Variants in TRIM5 observed in about 807,000 individuals in gnomAD.
The protein encoded by TRIM5 is tripartite motif containing 5.
In TRIM5, 31 loss-of-function variants were observed where a neutral mutation model predicts 35.6. That is an observed-to-expected ratio of 0.87 (90% CI 0.65 to 1.18). TRIM5 has a LOEUF of 1.18. TRIM5 is among the 50% of genes most tolerant of loss of function. TRIM5 has a pLI of 0.00. For missense variants in TRIM5, 609 were observed against 591.6 expected, an observed-to-expected ratio of 1.03 and a Z score of -0.31; for synonymous variants, 243 against 215.6, an observed-to-expected ratio of 1.13 and a Z score of -1.11.
At chr11:5,626,575 G>C in the TRIM5 span, 1 of 152,182 alleles carries the variant, frequency 6.6e-6, no homozygotes, top group Non-Finnish European at 1.5e-5. Context: ...AGTGTGCCTG[G>C]AGAGGCATAA....
At chr11:5,646,332 G>T in the TRIM5 span, among the ~76,000 whole-genome samples, 31 of 152,270 alleles carry the variant, frequency 2.0e-4, no homozygotes, top group Non-Finnish European at 3.7e-4. Context: ...CAGAGAAAGA[G>T]GAGGGGACTA....
intron 4 of TRIM5, chr11:5,677,832 G>GA (rs1454173798): frequency 1.2e-5 from 2 of 165,688 alleles, no homozygotes; most frequent in African/African-American, 4.8e-5. Context: ...TTAATTCCAT[G>GA]AAGGAAAAAA....
the TRIM5 span, chr11:5,604,660 G>A: frequency 6.2e-7 from 1 of 1,602,380 alleles, no homozygotes; most frequent in Non-Finnish European, 8.5e-7. Flanking sequence ...AGATGTCCTG[G>A]GGCAGGAATC....
the TRIM5 span, chr11:5,596,746 G>T: frequency 8.3e-7 from 1 of 1,211,876 alleles, no homozygotes; most frequent in Admixed American, 2.0e-5. Context: ...GGAACGGAAC[G>T]GAGCAGAGTC....
chr11:5,620,706 C>T, the TRIM5 span, among the ~76,000 whole-genome samples: 1 of 152,090 alleles, frequency 6.6e-6, no homozygotes, highest in South Asian at 2.1e-4. Flanking sequence ...GGCAGAAGTA[C>T]TGTCATGGGC....
the TRIM5 span, among the ~76,000 whole-genome samples, chr11:5,651,409 C>T: frequency 2.0e-5 from 3 of 152,196 alleles, no homozygotes; most frequent in Admixed American, 6.5e-5. Flanking sequence ...AACCTCCACC[C>T]TCAAGTAGGC....
the TRIM5 span, among the ~76,000 whole-genome samples, chr11:5,597,923 T>G: frequency 9.2e-6 from 1 of 108,836 alleles, no homozygotes; most frequent in South Asian, 2.7e-4. Context: ...TAGAGAACTT[T>G]AATATTAAAG....
At chr11:5,635,641 TCTC>T in the TRIM5 span, among the ~76,000 whole-genome samples, 2 of 152,172 alleles carry the variant, frequency 1.3e-5, no homozygotes, top group Non-Finnish European at 2.9e-5. Flanking sequence ...CAGACAGTGC[TCTC>T]CTTTCTTTGC....
At chr11:5,599,889 G>C in the TRIM5 span, among the ~76,000 whole-genome samples, 365 of 152,272 alleles carry the variant, frequency 2.4e-3, 2 homozygotes, top group African/African-American at 8.5e-3. Flanking sequence ...AAGATAAATA[G>C]AGCCTCTATT....
At chr11:5,632,791 G>T in the TRIM5 span, 2 of 1,496,388 alleles carry the variant, frequency 1.3e-6, no homozygotes, top group South Asian at 1.4e-5. Context: ...GGCAGAAGAT[G>T]GTAGTTGGTG....
At chr11:5,601,607 A>C in the TRIM5 span, among the ~76,000 whole-genome samples, 3 of 152,062 alleles carry the variant, frequency 2.0e-5, no homozygotes, top group Non-Finnish European at 2.9e-5. Context: ...AAAATACAAA[A>C]ATTAGCTGGG....
the TRIM5 span, among the ~76,000 whole-genome samples, chr11:5,657,599 A>AATATATATATATATAT: frequency 5.5e-5 from 5 of 90,278 alleles, no homozygotes; most frequent in African/African-American, 3.1e-4. Flanking sequence ...CATTATATAT[A>AATATATATATATATAT]ATATATATTT....
the TRIM5 span, among the ~76,000 whole-genome samples, chr11:5,648,894 C>T: frequency 1.3e-5 from 2 of 152,070 alleles, no homozygotes; most frequent in Non-Finnish European, 2.9e-5. Flanking sequence ...AGATATTATG[C>T]CAGGATTCAA....
At chr11:5,650,684 G>A in the TRIM5 span, among the ~76,000 whole-genome samples, 976 of 152,124 alleles carry the variant, frequency 6.4e-3, 9 homozygotes, top group Non-Finnish European at 0.012. Flanking sequence ...GTTTTTTGTT[G>A]GAGCGCTACT....
chr11:5,666,141 C>T (rs765627685), intron 5 of TRIM5, 60 bp from the exon 6 acceptor site: 10 of 1,383,828 alleles, frequency 7.2e-6, no homozygotes, highest in Non-Finnish European at 1.0e-5. Context: ...CCGTGGAACA[C>T]CCCTGACTTC....
chr11:5,633,800 A>G, the TRIM5 span: 1 of 1,613,344 alleles, frequency 6.2e-7, no homozygotes. Flanking sequence ...TTCCCTTCTC[A>G]TAGGAGAAAC....
chr11:5,673,403 T>A (rs1309680640), intron 4 of TRIM5, among the ~76,000 whole-genome samples: 3 of 152,104 alleles, frequency 2.0e-5, no homozygotes, highest in Non-Finnish European at 4.4e-5. Flanking sequence ...TATCTTCACC[T>A]AACAACAGGG....
At chr11:5,655,503 G>T in the TRIM5 span, 1 of 343,506 alleles carries the variant, frequency 2.9e-6, no homozygotes, top group Non-Finnish European at 4.1e-6. Flanking sequence ...GATTTTATAA[G>T]CCAGGATTAG....
In TRIM5 at chr11:5,663,209, A is replaced by T. The variant is rs1385592352; in HGVS notation, c.*1600T>A. Reference sequence around the variant, plus strand: ...ACCCCTTACATGCTAGAAATGAGTGAAGCTATTCAAAAAACTCGTTTAACT... The same window carrying T: ...ACCCCTTACATGCTAGAAATGAGTGTAGCTATTCAAAAAACTCGTTTAACT... On this transcript the variant is annotated 3_prime_UTR_variant, in exon 8 of 8. Transcript: ENST00000380034. The T allele has an allele frequency of 3.2e-6, 3 of 926,924 alleles. No individual in the cohort carries two copies. Among genetic ancestry groups the T allele is most frequent in the Middle Eastern group, 5.5e-4 (1 of 1,832 alleles). 57.4% of individuals were successfully genotyped at this position (926,924 alleles called of 1,614,324 possible).
Sources: gnomAD v4.1 joint callset for allele counts (sites outside exome capture counted in the v4.1 genomes callset) on GRCh38, gnomAD v4.1.1 for gene constraint, MANE v1.5 for transcripts, NCBI Gene and HGNC (gene_info 2026-07-23, HGNC 2026-07-21) for gene names.